The following PDE4DIP variants were observed in gnomAD, a reference collection of about 807,000 sequenced individuals.
The protein encoded by PDE4DIP is phosphodiesterase 4D interacting protein.
PDE4DIP carries 59 observed loss-of-function variants against 221.4 expected under a neutral mutation model. The observed-to-expected ratio is 0.27, with a 90% CI of 0.22 to 0.33. The LOEUF is 0.33. Among genes scored for constraint, PDE4DIP ranks in the 10% least tolerant of loss-of-function variants. PDE4DIP has a pLI of 1.00. For missense variants in PDE4DIP, 1,036 were observed against 2,154.2 expected (o/e 0.48, Z 10.28); for synonymous variants, 404 against 815.9 (o/e 0.50, Z 8.60).
exon 12 of PDE4DIP, chr1:148,966,910 G>A (rs1553519270): frequency 1.9e-6 from 3 of 1,610,956 alleles, no homozygotes; most frequent in South Asian, 1.1e-5. Flanking sequence ...GTCTTGCTGT[G>A]AGAGAGCGAG....
chr1:148,954,544 A>G (rs1320945601), intron 5 of PDE4DIP, among the ~76,000 whole-genome samples: 1 of 148,376 alleles, frequency 6.7e-6, no homozygotes. Flanking sequence ...CAAGTACAGT[A>G]TTGTCAGTCA....
intron 27 of PDE4DIP, chr1:149,006,286 A>G (rs1204942249): frequency 5.3e-5 from 8 of 152,174 alleles, no homozygotes; most frequent in African/African-American, 1.9e-4. Context: ...ATCTATTGCT[A>G]AGTAATAACC....
chr1:148,899,021 G>A (rs2040061565), intron 1 of PDE4DIP, among the ~76,000 whole-genome samples: 2 of 105,646 alleles, frequency 1.9e-5, no homozygotes, highest in Admixed American at 2.0e-4. Flanking sequence ...TAGTAGAGAT[G>A]GGGTTTCGCC....
At chr1:148,964,036 G>A (rs186797122) in intron 9 of PDE4DIP, among the ~76,000 whole-genome samples, 2 of 150,946 alleles carry the variant, frequency 1.3e-5, no homozygotes, top group Admixed American at 6.6e-5. Context: ...GAGATTACAG[G>A]CGTGAGCCAC....
In PDE4DIP at chr1:148,996,707, G is replaced by A. The variant is rs367846956; in HGVS notation, c.2905-1436G>A. ...TGAACATACTTTGTTACGGGGAATA[G>A]CAAAAGTCAGTGGCTTCGCACCAAC... On this transcript the variant is annotated intron_variant, in intron 22 of 43. Coordinates refer to ENST00000369354, the Ensembl canonical transcript of PDE4DIP. Among the ~76,000 whole-genome samples, 83 of 152,344 alleles carry A rather than the reference G, an allele frequency of 5.4e-4. No individual in the cohort carries two copies. The Middle Eastern group carries it at 0.01, about 19-fold the overall frequency.
intron 30 of PDE4DIP, 123 bp downstream of exon 33, chr1:149,009,914 T>G: frequency 1.3e-6 from 1 of 776,038 alleles, no homozygotes; most frequent in Non-Finnish European, 2.2e-6. Flanking sequence ...CCAAGTGCCA[T>G]GCACAGGCAC....
chr1:148,882,033 T>C (rs2477099), intron 3 of PDE4DIP, among the ~76,000 whole-genome samples: 2,641 of 118,170 alleles, frequency 0.022, 52 homozygotes, highest in African/African-American at 0.098. Flanking sequence ...CCCAAGTCAT[T>C]CAAAACAGCC....
intron 5 of PDE4DIP, among the ~76,000 whole-genome samples, chr1:148,951,500 G>A (rs587649768): frequency 3.2e-4 from 48 of 152,324 alleles, no homozygotes; most frequent in African/African-American, 1.1e-3. Context: ...AGTCCTTTCT[G>A]GCGCGAGCTG....
At chr1:148,975,211 G>A (rs1472671405) in intron 17 of PDE4DIP, among the ~76,000 whole-genome samples, 1 of 147,830 alleles carries the variant, frequency 6.8e-6, no homozygotes. Flanking sequence ...TAAAGCACTG[G>A]TGAAAAAAGG....
intron 36 of PDE4DIP, 31 bp downstream of exon 39, chr1:149,020,367 G>A (rs782234666): frequency 3.0e-6 from 1 of 334,260 alleles, no homozygotes; most frequent in Non-Finnish European, 5.3e-6. Context: ...AGAGAAGGTA[G>A]CATTCTTCAT....
In PDE4DIP at chr1:149,005,504, A is replaced by G. The variant is rs2066759418; in HGVS notation, c.4415+67A>G. ...TGTAAGTTCATGCTTGGCGTAGGGT[A>G]GCTCAGGCAGTTGGAAGAAAGAACA... On this transcript the variant is annotated intron_variant, in intron 27 of 43. Coordinates refer to ENST00000369354, the Ensembl canonical transcript of PDE4DIP. 3 of 1,148,442 alleles carry G rather than the reference A, an allele frequency of 2.6e-6. No homozygotes were observed. The Admixed American group carries it at 6.9e-5, about 26-fold the overall frequency. 71.1% of individuals were successfully genotyped at this position (1,148,442 alleles called of 1,614,324 possible).
In PDE4DIP at chr1:148,964,112, A is replaced by ATTT. The variant is rs11401915; in HGVS notation, c.1195-1360_1195-1358dup. On this transcript the variant is annotated intron_variant, in intron 9 of 43. Transcript: ENST00000369354. ...TTCTTTTCTTTTCTTTCTTTCTTTC[A>ATTT]TTTTTTTTTTTTTTGAGACAGAGTT... 1.0e-3 allele frequency among the ~76,000 whole-genome samples: 93 copies of ATTT among 92,330 alleles called. 3 individuals carry two copies. The highest frequency in any genetic ancestry group is 3.6e-3 in the East Asian group (11 of 3,068). The allele number at this position is 92,330 out of a possible 152,430, so 60.6% of individuals were successfully genotyped here. A position where few individuals can be genotyped will look rare whatever the true frequency, so the allele number is the denominator to read the frequency against.
intron 18 of PDE4DIP, 79 bp downstream of exon 21, chr1:148,978,132 C>T: frequency 1.4e-6 from 2 of 1,383,004 alleles, no homozygotes; most frequent in Non-Finnish European, 2.0e-6. Context: ...ACAATATTTG[C>T]ACACATCGAA....
At chr1:148,992,459 AC>A (rs1553560856) in intron 22 of PDE4DIP, 2 of 1,185,372 alleles carry the variant, frequency 1.7e-6, no homozygotes, top group African/African-American at 3.1e-5. Context: ...ATCTCATTAT[AC>A]AAAGAGAACC....
Position 148,918,651 on chromosome 1 carries a change from A to ACGCACG in PDE4DIP, c.142-10545_142-10544insGCACGC, listed in dbSNP as rs71222091. On this transcript the variant is annotated intron_variant, in intron 1 of 43. Transcript: ENST00000369354. ...CACACACACACACACACACACACAC[A>ACGCACG]CACACACCCTAGCTGTGTCTATCCA... 1.0e-4 allele frequency among the ~76,000 whole-genome samples: 13 copies of ACGCACG among 128,444 alleles called. No individual in the cohort carries two copies. The East Asian group carries it at 3.0e-3, about 29-fold the overall frequency. The allele number at this position is 128,444 out of a possible 152,430, so 84.3% of individuals were successfully genotyped here.
intron 5 of PDE4DIP, among the ~76,000 whole-genome samples, chr1:148,942,887 CAT>C (rs1553481000): frequency 6.6e-6 from 1 of 151,706 alleles, no homozygotes; most frequent in Non-Finnish European, 1.5e-5. Flanking sequence ...AATTTATTAA[CAT>C]GTAATCTCAC....
intron 5 of PDE4DIP, among the ~76,000 whole-genome samples, chr1:148,949,070 C>G (rs1466286191): frequency 5.3e-5 from 8 of 152,266 alleles, no homozygotes; most frequent in Admixed American, 1.3e-4. Flanking sequence ...TGAGTTCATT[C>G]TTTTTGATCG....
chr1:148,840,217 T>A (rs1457149640), intron 1 of PDE4DIP, among the ~76,000 whole-genome samples: 44 of 107,284 alleles, frequency 4.1e-4, no homozygotes, highest in African/African-American at 1.2e-3. Context: ...AATTCAGGTA[T>A]TCCCTGAAGC....
Position 149,029,712 on chromosome 1 carries a change from A to T in PDE4DIP, c.6814-75A>T, listed in dbSNP as rs2076150982. 6 of 774,346 alleles carry T rather than the reference A, an allele frequency of 7.7e-6. No homozygotes were observed. The East Asian group carries it at 1.5e-4, about 19-fold the overall frequency. The allele number at this position is 774,346 out of a possible 1,614,324, so 48.0% of individuals were successfully genotyped here. ...AGAAGACTGTAGAATCCTTCTTTGAATTGGAAAGAGCCACAAAGCACAGGG... is the reference window on the plus strand; with the variant it reads ...AGAAGACTGTAGAATCCTTCTTTGATTTGGAAAGAGCCACAAAGCACAGGG... On this transcript the variant is annotated intron_variant, in intron 41 of 43. Transcript: ENST00000369354.
Sources: gnomAD v4.1 joint callset for allele counts (sites outside exome capture counted in the v4.1 genomes callset) on GRCh38, gnomAD v4.1.1 for gene constraint, MANE v1.5 for transcripts, NCBI Gene and HGNC (gene_info 2026-07-23, HGNC 2026-07-21) for gene names.